SMURF1: variants seen among roughly 807,000 people sequenced by gnomAD.
SMURF1 encodes SMAD specific E3 ubiquitin protein ligase 1, also known as E3 ubiquitin-protein ligase SMURF1.
Under a neutral mutation model 98.0 loss-of-function variants are expected in SMURF1, and 44 were observed. The observed-to-expected ratio is 0.45, with a 90% CI of 0.35 to 0.58. SMURF1 has a LOEUF of 0.58. SMURF1 is among the 20% of genes least tolerant of loss of function. The pLI, the probability that SMURF1 is intolerant of heterozygous loss-of-function variation, is 0.00. For synonymous variants in SMURF1, 396 were observed against 374.9 expected (o/e 1.06, Z -0.65); for missense variants, 687 against 938.4 (o/e 0.73, Z 3.50).
chr7:99,058,153 C>T (rs748886748), intron 3 of SMURF1, among the ~76,000 whole-genome samples: 3 of 151,206 alleles, frequency 2.0e-5, no homozygotes, highest in Non-Finnish European at 2.9e-5. Flanking sequence ...TTTTTTGAGA[C>T]GGAATTTTGC....
At chr7:99,090,918 T>C (rs1796794642) in intron 1 of SMURF1, among the ~76,000 whole-genome samples, 1 of 152,158 alleles carries the variant, frequency 6.6e-6, no homozygotes, top group African/African-American at 2.4e-5. Context: ...GGTCTCAAAG[T>C]GACAGCTACG....
rs775177705 is a variant in SMURF1, at chr7:99,037,168, A to G, written c.1708T>C (p.Phe570Leu). Residue 570 changes from phenylalanine (F) to leucine (L), a missense_variant, in exon 15 of 18, where the codon TTT becomes CTT. By Grantham distance (22) the Phe-to-Leu change is conservative. Around this residue, in one of 2 missense-constraint regions of SMURF1, gnomAD observed 272 missense variants for 430.0 expected, o/e 0.63. Coordinates refer to ENST00000361368, the MANE Select transcript of SMURF1 (RefSeq NM_181349.3). ...AACTGGGCTTCGATTCCTCTCATAAACCTCCAGTTTACATACAACCTGGAA... is the reference window on the plus strand; with the variant it reads ...AACTGGGCTTCGATTCCTCTCATAAGCCTCCAGTTTACATACAACCTGGAA... ...EYVRLYVNWR[F>L]MRGIEAQFLA... The G allele has an allele frequency of 6.2e-7, 1 of 1,614,006 alleles. No individual in the cohort carries two copies.
chr7:99,089,170 C>CTCCA (rs1796749541), intron 1 of SMURF1, among the ~76,000 whole-genome samples: 1 of 150,850 alleles, frequency 6.6e-6, no homozygotes, highest in Non-Finnish European at 1.5e-5. Flanking sequence ...TGCCACTGCA[C>CTCCA]TCCAGCCTGG....
At chr7:99,125,226 G>A (rs1797719376) in intron 1 of SMURF1, among the ~76,000 whole-genome samples, 1 of 152,006 alleles carries the variant, frequency 6.6e-6, no homozygotes, top group Non-Finnish European at 1.5e-5. Context: ...CTACAAGCAT[G>A]CACCACCATG....
At chr7:99,082,072 T>C (rs566364321) in intron 1 of SMURF1, among the ~76,000 whole-genome samples, 15 of 152,364 alleles carry the variant, frequency 9.8e-5, no homozygotes, top group African/African-American at 3.6e-4. Flanking sequence ...ATTGGCCATG[T>C]TGGTAGCCTT....
intron 7 of SMURF1, 22 bp downstream of exon 7, chr7:99,052,183 A>C: frequency 6.7e-7 from 1 of 1,500,190 alleles, no homozygotes; most frequent in Non-Finnish European, 8.9e-7. Flanking sequence ...GGCATTGGCC[A>C]CAGCAGGATA....
At chr7:99,134,183 T>G (rs1344401532) in intron 1 of SMURF1, among the ~76,000 whole-genome samples, 15 of 146,398 alleles carry the variant, frequency 1.0e-4, no homozygotes, top group Admixed American at 4.1e-4. Flanking sequence ...TTTTGTTTCG[T>G]TTTTTTTTGC....
chr7:99,058,643 C>T (rs1795945233), intron 3 of SMURF1, among the ~76,000 whole-genome samples: 1 of 152,228 alleles, frequency 6.6e-6, no homozygotes, highest in Admixed American at 6.5e-5. Context: ...TACACAGCCT[C>T]AGTGTCACTG....
chr7:99,120,807 A>AG (rs1797595718), intron 1 of SMURF1: 1 of 149,776 alleles, frequency 6.7e-6, no homozygotes, highest in Non-Finnish European at 1.5e-5. Context: ...TGGGAAAGGG[A>AG]GAAAAAAAAA....
At chr7:99,087,485 A>G (rs1333603781) in intron 1 of SMURF1, among the ~76,000 whole-genome samples, 1 of 152,122 alleles carries the variant, frequency 6.6e-6, no homozygotes, top group Non-Finnish European at 1.5e-5. Context: ...GAGGATGTTA[A>G]GTCGGTGTTT....
In SMURF1 at chr7:99,033,138, C is replaced by G. The variant is rs1215162900; in HGVS notation, c.2012-17G>C. 1 of 1,560,914 alleles carries G rather than the reference C, an allele frequency of 6.4e-7. No homozygotes were observed. Among genetic ancestry groups the G allele is most frequent in the Non-Finnish European group, 8.7e-7 (1 of 1,152,050 alleles). The stretch of plus-strand genomic sequence containing the variant: ...CTGTAGAACCTTACAAGACAACATT[C>G]TAGTTAATGTACTTCAGAGTTACAG... On this transcript the variant is annotated splice_polypyrimidine_tract_variant and intron_variant, in intron 16 of 17. Transcript: ENST00000361368.
chr7:99,125,147 T>C (rs374064407), intron 1 of SMURF1, among the ~76,000 whole-genome samples: 3 of 152,210 alleles, frequency 2.0e-5, no homozygotes, highest in African/African-American at 7.2e-5. Flanking sequence ...AGCACCATCA[T>C]GGCTCACTGC....
At chr7:99,047,655 G>T (rs1795626233) in intron 10 of SMURF1, 29 bp downstream of exon 10, 4 of 1,611,032 alleles carry the variant, frequency 2.5e-6, no homozygotes, top group African/African-American at 1.3e-5. Context: ...TTCTGAACAG[G>T]GTCTGGGCAG....
intron 1 of SMURF1, among the ~76,000 whole-genome samples, chr7:99,115,363 C>T (rs1004012165): frequency 6.6e-6 from 1 of 152,050 alleles, no homozygotes; most frequent in Admixed American, 6.6e-5. Flanking sequence ...GAGGCTGAAG[C>T]GAGTGGATCA....
chr7:99,088,171 T>A (rs1796725225), intron 1 of SMURF1, among the ~76,000 whole-genome samples: 1 of 151,228 alleles, frequency 6.6e-6, no homozygotes, highest in Admixed American at 6.6e-5. Flanking sequence ...GGCAGGAGAA[T>A]CACTTGAACT....
intron 1 of SMURF1, among the ~76,000 whole-genome samples, chr7:99,062,453 C>T (rs1424595545): frequency 1.3e-5 from 2 of 151,924 alleles, no homozygotes; most frequent in African/African-American, 4.8e-5. Flanking sequence ...TAAATGTAAA[C>T]TTTGATATGT....
intron 1 of SMURF1, among the ~76,000 whole-genome samples, chr7:99,141,234 G>A (rs1411898203): frequency 6.6e-6 from 1 of 152,226 alleles, no homozygotes; most frequent in Non-Finnish European, 1.5e-5. Context: ...TTGGTAGGAG[G>A]AGAAACCAAG....
intron 1 of SMURF1, among the ~76,000 whole-genome samples, chr7:99,078,703 G>C (rs960329663): frequency 6.6e-6 from 1 of 152,212 alleles, no homozygotes; most frequent in Non-Finnish European, 1.5e-5. Flanking sequence ...CTGCGCATGC[G>C]AGGGGTCTAG....
At chr7:99,068,139 C>T (rs1212466031) in intron 1 of SMURF1, among the ~76,000 whole-genome samples, 1 of 152,192 alleles carries the variant, frequency 6.6e-6, no homozygotes, top group African/African-American at 2.4e-5. Flanking sequence ...TCTGTGTCTC[C>T]AAGTCCTATC....
Sources: gnomAD v4.1 joint callset for allele counts (sites outside exome capture counted in the v4.1 genomes callset) on GRCh38, gnomAD v4.1.1 for gene constraint, gnomAD v4.1.1 regional missense constraint, MANE v1.5 for transcripts, NCBI Gene and HGNC (gene_info 2026-07-23, HGNC 2026-07-21) for gene names.